CPA4: variants seen among roughly 807,000 people sequenced by gnomAD.
CPA4 encodes carboxypeptidase A3.
In CPA4, 49 loss-of-function variants were observed where a neutral mutation model predicts 54.7. The observed-to-expected ratio is 0.90, with a 90% CI of 0.71 to 1.14. The LOEUF (loss-of-function observed/expected upper bound fraction) is 1.14. CPA4 is among the 50% of genes most tolerant of loss of function. CPA4 has a pLI of 0.00. For synonymous variants in CPA4, 215 were observed against 206.8 expected (o/e 1.04, Z -0.34); for missense variants, 487 against 525.1 (o/e 0.93, Z 0.71).
At position 130,306,226 on chromosome 7, in the gene CPA4, G is replaced by A. The variant is rs1793818823; in HGVS notation, c.591+306G>A. ...CCCAGACAAGGCCCCATAGACCCTC[G>A]GGGACCTCACGCCATCTCCATCTCC... is the stretch of plus-strand genomic sequence containing the variant. On this transcript the variant is annotated intron_variant, in intron 6 of 10. Transcript: ENST00000222482. 8 of 386,788 alleles carry A rather than the reference G, an allele frequency of 2.1e-5. No individual in the cohort carries two copies. The South Asian group carries it at 2.1e-4, about 10-fold the overall frequency. The allele number at this position is 386,788 out of a possible 1,614,324, so 24.0% of individuals were successfully genotyped here. A position where few individuals can be genotyped will look rare whatever the true frequency, so the allele number is the denominator to read the frequency against.
chr7:130,303,153 A>G (rs1049278419), intron 4 of CPA4, among the ~76,000 whole-genome samples: 10 of 152,202 alleles, frequency 6.6e-5, no homozygotes, highest in Admixed American at 6.5e-4. Flanking sequence ...TCCTCTGTAT[A>G]GTTCCTTCTT....
chr7:130,306,904 A>G lies in CPA4; in HGVS notation c.702+7A>G. ...TGTGTATACTCAAACTCAAGTGAGT[A>G]TTCCCAAATGGGCTGGGCTTGCAGA... is the stretch of plus-strand genomic sequence containing the variant. On this transcript the variant is annotated splice_region_variant and intron_variant, in intron 7 of 10. Coordinates refer to ENST00000222482, the MANE Select transcript of CPA4 (RefSeq NM_016352.4). 6.9e-7 allele frequency: 1 copy of G among 1,445,322 alleles called. No individual in the cohort carries two copies. The highest frequency in any genetic ancestry group is 9.7e-7 in the Non-Finnish European group (1 of 1,025,952). 89.5% of individuals were successfully genotyped at this position (1,445,322 alleles called of 1,614,324 possible).
intron 6 of CPA4, chr7:130,306,181 A>C: frequency 2.0e-6 from 1 of 512,722 alleles, no homozygotes; most frequent in Non-Finnish European, 3.5e-6. Context: ...TCCACTCCGC[A>C]GAAAGGGAGC....
chr7:130,293,399 C>T (rs1793602208), intron 1 of CPA4, 151 bp downstream of exon 1: 2 of 644,930 alleles, frequency 3.1e-6, no homozygotes, highest in Admixed American at 5.4e-5. Context: ...GACAAGTCCA[C>T]TCTCTTCTCT....
At chr7:130,308,220 C>T (rs1793854978) in intron 7 of CPA4, 87 bp from the exon 8 acceptor site, 2 of 1,130,444 alleles carry the variant, frequency 1.8e-6, no homozygotes, top group South Asian at 2.5e-5. Context: ...AGCAGCCTGC[C>T]CTGCCTGCGT....
chr7:130,299,338 G>C lies in CPA4; in HGVS notation c.219G>C (p.Leu73=). ...PVDVLVPSVS[L]QAFKSFLRSQ... The stretch of plus-strand genomic sequence containing the variant: ...ATGTCCTGGTCCCATCTGTCAGTCT[G>C]CAGGCATTTAAATCCTTCCTGAGAT... Residue 73 remains leucine, a synonymous_variant, in exon 3 of 11, where the codon CTG becomes CTC. Coordinates refer to ENST00000222482, the MANE Select transcript of CPA4 (RefSeq NM_016352.4). The C allele has an allele frequency of 6.2e-7, 1 of 1,613,360 alleles. No homozygotes were observed. The highest frequency in any genetic ancestry group is 8.5e-7 in the Non-Finnish European group (1 of 1,179,290).
rs1009075773 is a variant in CPA4, at chr7:130,308,341, C to T, written c.737C>T (p.Pro246Leu). ...RLWRKTRSRN[P>L]GSSCIGADPN... Reference sequence around the variant, plus strand: ...TGGAGGAAGACGCGGTCCCGAAATCCTGGAAGCTCCTGCATTGGTGCTGAC... The same window carrying T: ...TGGAGGAAGACGCGGTCCCGAAATCTTGGAAGCTCCTGCATTGGTGCTGAC... Residue 246 changes from proline to leucine, a missense_variant, in exon 8 of 11, where the codon CCT (proline) becomes CTT (leucine). Transcript: ENST00000222482. The T allele has an allele frequency of 6.2e-7, 1 of 1,614,094 alleles. No homozygotes were observed. The highest frequency in any genetic ancestry group is 1.3e-5 in the African/African-American group (1 of 74,924).
intron 8 of CPA4, among the ~76,000 whole-genome samples, chr7:130,308,850 CTTT>C (rs1249548992): frequency 2.5e-5 from 3 of 120,226 alleles, no homozygotes; most frequent in Non-Finnish European, 3.4e-5. Context: ...CTAGCCCAGC[CTTT>C]TTTTTTTTTT....
At chr7:130,294,259 C>A (rs1216721252) in intron 1 of CPA4, among the ~76,000 whole-genome samples, 1 of 152,194 alleles carries the variant, frequency 6.6e-6, no homozygotes, top group Non-Finnish European at 1.5e-5. Flanking sequence ...AGTTCATCTC[C>A]AAATAAAATC....
rs918799912 is a variant in CPA4, at chr7:130,293,378, G to A, written c.68+130G>A. 12 of 698,544 alleles carry A rather than the reference G, an allele frequency of 1.7e-5. No homozygotes were observed. The Admixed American group carries it at 2.2e-4, about 13-fold the overall frequency. The allele number at this position is 698,544 out of a possible 1,614,324, so 43.3% of individuals were successfully genotyped here. On this transcript the variant is annotated intron_variant, in intron 1 of 10. Transcript: ENST00000222482. Reference sequence around the variant, plus strand: ...GGGCTCTTGTTCCAGCTTTGCCCCTGTGTCATCCTGGACAAGTCCACTCTC... The same window carrying A: ...GGGCTCTTGTTCCAGCTTTGCCCCTATGTCATCCTGGACAAGTCCACTCTC...
At chr7:130,305,103 A>G (rs1793799198) in intron 5 of CPA4, among the ~76,000 whole-genome samples, 1 of 152,226 alleles carries the variant, frequency 6.6e-6, no homozygotes, top group Admixed American at 6.5e-5. Flanking sequence ...TTACATAAAA[A>G]TCCAGTTGAA....
In CPA4 at chr7:130,296,176, G is replaced by T. The variant is rs979398295; in HGVS notation, c.69-2570G>T. 7.9e-5 allele frequency among the ~76,000 whole-genome samples: 12 copies of T among 152,298 alleles called. No homozygotes were observed. In the East Asian group the frequency reaches 2.3e-3, roughly 29 times the overall value. On this transcript the variant is annotated intron_variant, in intron 1 of 10. Transcript: ENST00000222482. ...GGATTGCAGGCAGTGGGAACAGCGT[G>T]TACAAAAGCATACAAAAGTACGCGG... is the stretch of plus-strand genomic sequence containing the variant.
Position 130,300,911 on chromosome 7 carries a change from A to G in CPA4, c.381A>G (p.Glu127=). 6.2e-7 allele frequency: 1 copy of G among 1,606,312 alleles called. No individual in the cohort carries two copies. The highest frequency in any genetic ancestry group is 8.5e-7 in the Non-Finnish European group (1 of 1,172,896). ...ACTACGGGGCTTACCATTCCCTGGAAGCTGTAAGTGTTTCAGAGTGGGTTA... is the reference window on the plus strand; with the variant it reads ...ACTACGGGGCTTACCATTCCCTGGAGGCTGTAAGTGTTTCAGAGTGGGTTA... ...NFNYGAYHSL[E]AIYHEMDNIA... is the part of the protein sequence containing the mutation. Residue 127 remains glutamate, a synonymous_variant, in exon 4 of 11, where the codon GAA becomes GAG. Coordinates refer to ENST00000222482, the MANE Select transcript of CPA4 (RefSeq NM_016352.4).
intron 8 of CPA4, among the ~76,000 whole-genome samples, chr7:130,308,732 C>A: frequency 7.6e-6 from 1 of 131,694 alleles, no homozygotes; most frequent in African/African-American, 3.8e-5. Context: ...TATTTTTTTT[C>A]AGTAGAGATG....
intron 1 of CPA4, among the ~76,000 whole-genome samples, chr7:130,293,677 G>GCCATGCATAAAGGGAAACCC (rs1562926697): frequency 6.6e-6 from 1 of 152,200 alleles, no homozygotes; most frequent in African/African-American, 2.4e-5. Flanking sequence ...TCTCAAGCTT[G>GCCATGCATAAAGGGAAACCC]TTGGTTTCAC....
At chr7:130,315,714 T>C (rs1370182313) in intron 10 of CPA4, among the ~76,000 whole-genome samples, 2 of 152,172 alleles carry the variant, frequency 1.3e-5, no homozygotes, top group Non-Finnish European at 2.9e-5. Flanking sequence ...GAACCTTGTT[T>C]ACTGGGGCAT....
chr7:130,322,443 C>T, intron 10 of CPA4, 46 bp from the exon 11 acceptor site: 1 of 1,547,322 alleles, frequency 6.5e-7, no homozygotes, highest in Non-Finnish European at 8.8e-7. Flanking sequence ...CCATCTAACC[C>T]AGGAGGGAAC....
In CPA4 at chr7:130,299,339, C is replaced by T. The variant is rs546291221; in HGVS notation, c.220C>T (p.Gln74Ter). 1.2e-6 allele frequency: 2 copies of T among 1,613,366 alleles called. No individual in the cohort carries two copies. Among genetic ancestry groups the T allele is most frequent in the Non-Finnish European group, 1.7e-6 (2 of 1,179,244 alleles). Residue 74 changes from glutamine (Q) to a stop codon, truncating the protein, a stop_gained, in exon 3 of 11, where the codon CAG becomes TAG. Coordinates refer to ENST00000222482, the MANE Select transcript of CPA4 (RefSeq NM_016352.4). LOFTEE classifies it high-confidence loss of function. The part of the protein sequence containing the change: ...VDVLVPSVSL[Q>*]AFKSFLRSQG... ...TGTCCTGGTCCCATCTGTCAGTCTG[C>T]AGGCATTTAAATCCTTCCTGAGATC...
At chr7:130,296,868 T>C (rs1242727940) in intron 1 of CPA4, among the ~76,000 whole-genome samples, 1 of 151,788 alleles carries the variant, frequency 6.6e-6, no homozygotes, top group Non-Finnish European at 1.5e-5. Flanking sequence ...GGAGGTAGGT[T>C]ATGATAGAGC....
Sources: allele counts gnomAD v4.1 joint callset (sites outside exome capture counted in the v4.1 genomes callset), GRCh38; gene constraint gnomAD v4.1.1; transcripts MANE v1.5; gene names NCBI Gene and HGNC (gene_info 2026-07-23, HGNC 2026-07-21).